Variants in BCL11A observed in about 807,000 individuals in gnomAD.
The protein encoded by BCL11A is B cell CLL/lymphoma 11A.
BCL11A carries 2 observed loss-of-function variants against 55.9 expected under a neutral mutation model. The observed-to-expected ratio is 0.04, with a 90% CI of 0.01 to 0.11. The LOEUF (loss-of-function observed/expected upper bound fraction) is 0.11. BCL11A is among the 10% of genes least tolerant of loss of function. BCL11A has a pLI of 1.00. For synonymous variants in BCL11A, 465 were observed against 473.4 expected, an observed-to-expected ratio of 0.98 and a Z score of 0.23; for missense variants, 817 against 1,137.1, an observed-to-expected ratio of 0.72 and a Z score of 4.05.
chr2:60,476,107 CT>C (rs1677577232), intron 2 of BCL11A, among the ~76,000 whole-genome samples: 1 of 152,184 alleles, frequency 6.6e-6, no homozygotes, highest in Admixed American at 6.5e-5. Flanking sequence ...GTGCTAGAAG[CT>C]GGCCAGGATA....
chr2:60,482,561 A>C (rs920568941), intron 2 of BCL11A, among the ~76,000 whole-genome samples: 1 of 152,228 alleles, frequency 6.6e-6, no homozygotes, highest in African/African-American at 2.4e-5. Context: ...TTTGCAGATG[A>C]ATGAGATAAC....
intron 3 of BCL11A, among the ~76,000 whole-genome samples, chr2:60,467,110 A>AGTGGTGATG (rs1676670896): frequency 1.4e-5 from 1 of 72,468 alleles, no homozygotes. Flanking sequence ...TGGTGGTGGT[A>AGTGGTGATG]GTGGTGGTGG....
chr2:60,491,420 C>T (rs35259900), intron 2 of BCL11A, among the ~76,000 whole-genome samples: 1,547 of 152,264 alleles, frequency 0.01, 6 homozygotes, highest in Non-Finnish European at 0.016. Context: ...CACCTGTAAT[C>T]CCAGCACTTT....
intron 2 of BCL11A, among the ~76,000 whole-genome samples, chr2:60,481,163 T>G (rs758995242): frequency 6.6e-6 from 1 of 151,908 alleles, no homozygotes; most frequent in Non-Finnish European, 1.5e-5. Context: ...CCTGCTGTGC[T>G]CAAGGAGATT....
chr2:60,531,346 G>A (rs962536996), intron 2 of BCL11A, among the ~76,000 whole-genome samples: 2 of 152,054 alleles, frequency 1.3e-5, no homozygotes, highest in African/African-American at 2.4e-5. Flanking sequence ...CCTCCTTTGC[G>A]TTCTGCAAGA....
At chr2:60,497,133 AAGCTAG>A (rs1277673295) in intron 2 of BCL11A, among the ~76,000 whole-genome samples, 1 of 152,156 alleles carries the variant, frequency 6.6e-6, no homozygotes, top group Non-Finnish European at 1.5e-5. Flanking sequence ...AGCATCCCCT[AAGCTAG>A]AGCTAGAGCT....
chr2:60,511,661 T>C lies in BCL11A; in HGVS notation c.385+34310A>G, dbSNP rs1258521103. 2.0e-5 allele frequency among the ~76,000 whole-genome samples: 3 copies of C among 152,362 alleles called. No homozygotes were observed. In the East Asian group the frequency reaches 5.8e-4, roughly 29 times the overall value. Reference sequence around the variant, plus strand: ...TATTAATGACAACCATTGCTTTACATGTTGCACCATTTCATGAAAACAATC... The same window carrying C: ...TATTAATGACAACCATTGCTTTACACGTTGCACCATTTCATGAAAACAATC... On this transcript the variant is annotated intron_variant, in intron 2 of 3. Coordinates refer to ENST00000642384, the MANE Select transcript of BCL11A (RefSeq NM_022893.4).
intron 2 of BCL11A, among the ~76,000 whole-genome samples, chr2:60,529,080 G>A (rs567853054): frequency 5.4e-4 from 82 of 152,280 alleles, no homozygotes; most frequent in African/African-American, 1.8e-3. Context: ...TCCCACCCAC[G>A]AGGGAGCTGC....
At chr2:60,479,253 G>C (rs1355278457) in intron 2 of BCL11A, among the ~76,000 whole-genome samples, 1 of 152,162 alleles carries the variant, frequency 6.6e-6, no homozygotes, top group Non-Finnish European at 1.5e-5. Flanking sequence ...TACCCACCTA[G>C]CAGGTCCACG....
chr2:60,478,727 C>T (rs568187881), intron 2 of BCL11A, among the ~76,000 whole-genome samples: 2 of 152,386 alleles, frequency 1.3e-5, no homozygotes, highest in South Asian at 4.1e-4. Flanking sequence ...TGCCCTCTCG[C>T]CTGAGGTGAG....
chr2:60,495,117 GAAATA>G (rs1263886628), intron 2 of BCL11A, among the ~76,000 whole-genome samples: 1 of 152,178 alleles, frequency 6.6e-6, no homozygotes, highest in Non-Finnish European at 1.5e-5. Context: ...TTCCCATTGA[GAAATA>G]AAATCCAATT....
downstream of BCL11A, chr2:60,452,755 T>C (rs2103745376): frequency 1.8e-6 from 2 of 1,092,282 alleles, no homozygotes; most frequent in Middle Eastern, 2.0e-4. Context: ...ACTAGCTTTT[T>C]AAAAATTAGA....
intron 2 of BCL11A, among the ~76,000 whole-genome samples, chr2:60,501,505 C>CTTTTT (rs11366853): frequency 1.3e-4 from 16 of 119,718 alleles, no homozygotes; most frequent in African/African-American, 3.2e-4. Flanking sequence ...ACACCGCTTT[C>CTTTTT]TTTTTTTTTT....
At chr2:60,517,107 C>T (rs1385912317) in intron 2 of BCL11A, among the ~76,000 whole-genome samples, 1 of 152,118 alleles carries the variant, frequency 6.6e-6, no homozygotes, top group African/African-American at 2.4e-5. Flanking sequence ...CATAAGGGAT[C>T]GAAGGTAGAC....
chr2:60,516,204 C>T (rs925169826), intron 2 of BCL11A, among the ~76,000 whole-genome samples: 9 of 152,186 alleles, frequency 5.9e-5, no homozygotes, highest in African/African-American at 1.9e-4. Context: ...CCTCTCCTCA[C>T]CCCAGCACAC....
intron 2 of BCL11A, among the ~76,000 whole-genome samples, chr2:60,487,936 A>T (rs1678377229): frequency 6.6e-6 from 1 of 152,218 alleles, no homozygotes; most frequent in Non-Finnish European, 1.5e-5. Context: ...AACATCTGCC[A>T]CTAAAGGTTT....
At chr2:60,534,674 T>C (rs1669594744) in intron 2 of BCL11A, 1 of 152,252 alleles carries the variant, frequency 6.6e-6, no homozygotes, top group African/African-American at 2.4e-5. Context: ...ATGTAATTAC[T>C]CAAGGTTAGA....
At chr2:60,516,611 G>T (rs964484405) in intron 2 of BCL11A, among the ~76,000 whole-genome samples, 2 of 152,208 alleles carry the variant, frequency 1.3e-5, no homozygotes, top group Non-Finnish European at 2.9e-5. Context: ...AGCTCAATAT[G>T]GACAAGGACA....
At chr2:60,514,113 C>T (rs920469715) in intron 2 of BCL11A, among the ~76,000 whole-genome samples, 3 of 152,190 alleles carry the variant, frequency 2.0e-5, no homozygotes, top group South Asian at 2.1e-4. Flanking sequence ...CCTGAGAGCA[C>T]GTGCAGCTAG....
Sources: allele counts gnomAD v4.1 joint callset (sites outside exome capture counted in the v4.1 genomes callset), GRCh38; gene constraint gnomAD v4.1.1; transcripts MANE v1.5; gene names NCBI Gene and HGNC (gene_info 2026-07-23, HGNC 2026-07-21).